LONP1: variants seen among roughly 807,000 people sequenced by gnomAD.
The protein encoded by LONP1 is lon protease homolog, mitochondrial.
LONP1 carries 31 observed loss-of-function variants against 98.5 expected under a neutral mutation model. That is an observed-to-expected ratio of 0.31 (90% confidence interval 0.24 to 0.42). The LOEUF is 0.42. LONP1 is among the 20% of genes least tolerant of loss of function. The probability of loss-of-function intolerance (pLI) is 1.00; values close to 1 mark genes in which losing one functional copy is unlikely to be tolerated. For missense variants in LONP1, 1,336 were observed against 1,350.6 expected, an observed-to-expected ratio of 0.99 and a Z score of 0.17; for synonymous variants, 781 against 594.7, an observed-to-expected ratio of 1.31 and a Z score of -4.56.
intron 8 of LONP1, among the ~76,000 whole-genome samples, chr19:5,703,045 G>C (rs2055083977): frequency 6.6e-6 from 1 of 151,878 alleles, no homozygotes; most frequent in African/African-American, 2.4e-5. Flanking sequence ...GCTGGGCGTG[G>C]CAGCGGACAC....
At chr19:5,713,636 A>G (rs1304987136) in intron 2 of LONP1, among the ~76,000 whole-genome samples, 1 of 152,154 alleles carries the variant, frequency 6.6e-6, no homozygotes, top group Non-Finnish European at 1.5e-5. Context: ...ATCTCAGCTC[A>G]CTGCAACCTC....
At chr19:5,697,452 G>A (rs1454524380) in intron 10 of LONP1, among the ~76,000 whole-genome samples, 3 of 149,800 alleles carry the variant, frequency 2.0e-5, no homozygotes, top group East Asian at 2.0e-4. Flanking sequence ...ACAGGACCAC[G>A]CCTGGTGTGT....
At chr19:5,702,350 A>AG in intron 8 of LONP1, among the ~76,000 whole-genome samples, 1 of 130,072 alleles carries the variant, frequency 7.7e-6, no homozygotes, top group African/African-American at 3.0e-5. Flanking sequence ...TCCGGGAGGG[A>AG]GGTGGGGGGG....
At chr19:5,697,402 T>C (rs1373597605) in intron 10 of LONP1, among the ~76,000 whole-genome samples, 1 of 151,162 alleles carries the variant, frequency 6.6e-6, no homozygotes, top group East Asian at 1.9e-4. Flanking sequence ...CTGAGAGATG[T>C]GTTCCAGGCC....
rs542356794 is a variant in LONP1 at position 5,717,085 on chromosome 19, C to T, written c.429+2619G>A. On this transcript the variant is annotated intron_variant, in intron 1 of 17. Coordinates refer to ENST00000360614, the MANE Select transcript of LONP1 (RefSeq NM_004793.4). Reference sequence around the variant, plus strand: ...CTGGGATTGCAGGCGTGAGCCACCGCGCCCAGCCCACGAAGTTAGTTTTTA... The same window carrying T: ...CTGGGATTGCAGGCGTGAGCCACCGTGCCCAGCCCACGAAGTTAGTTTTTA... Among the ~76,000 whole-genome samples the T allele has an allele frequency of 2.6e-5, 4 of 152,306 alleles. 1 individual carries two copies. The highest frequency in any genetic ancestry group is 4.1e-4 in the South Asian group (2 of 4,828).
rs1266665194 is a variant in LONP1, at chr19:5,720,043, C to T, written c.90G>A (p.Arg30=). 4 of 1,544,668 alleles carry T rather than the reference C, an allele frequency of 2.6e-6. No homozygotes were observed. Among genetic ancestry groups the T allele is most frequent in the Admixed American group, 2.0e-5 (1 of 50,720 alleles). Residue 30 remains arginine, a synonymous_variant, in exon 1 of 18, where the codon CGG becomes CGA. Transcript: ENST00000360614. Reference sequence around the variant, plus strand: ...ACCACGCTCCTGCTGCAGTGGGAACCCGCCCCCCGGCGGCGGCCAGCATCG... The same window carrying T: ...ACCACGCTCCTGCTGCAGTGGGAACTCGCCCCCCGGCGGCGGCCAGCATCG... ...RRPMLAAAGG[R]VPTAAGAWLL...
chr19:5,713,481 T>C (rs1599478559), intron 2 of LONP1, among the ~76,000 whole-genome samples: 1 of 152,176 alleles, frequency 6.6e-6, no homozygotes, highest in Non-Finnish European at 1.5e-5. Context: ...CCTCGCTAAG[T>C]CAGCCACAAA....
chr19:5,717,356 C>G (rs2055339659), intron 1 of LONP1: 1 of 152,208 alleles, frequency 6.6e-6, no homozygotes, highest in Admixed American at 6.5e-5. Flanking sequence ...GCATCCTTGG[C>G]ATCTGCCTCC....
At chr19:5,711,167 C>T (rs191264815) in intron 4 of LONP1, among the ~76,000 whole-genome samples, 182 of 152,372 alleles carry the variant, frequency 1.2e-3, no homozygotes, top group Admixed American at 2.4e-3. Flanking sequence ...TTGCTCACAG[C>T]ACTTCCCCCT....
intron 17 of LONP1, among the ~76,000 whole-genome samples, 195 bp from the exon 18 acceptor site, chr19:5,692,403 G>A (rs955698350): frequency 2.0e-5 from 3 of 152,174 alleles, no homozygotes; most frequent in African/African-American, 7.2e-5. Flanking sequence ...ACTGGCCTTG[G>A]CTCCAACAGC....
intron 1 of LONP1, among the ~76,000 whole-genome samples, chr19:5,718,622 G>C (rs901235498): frequency 3.3e-5 from 5 of 152,030 alleles, no homozygotes; most frequent in Non-Finnish European, 2.9e-5. Flanking sequence ...AGTGAGCGCA[G>C]AGGCTGACTC....
chr19:5,703,118 T>G (rs538453123), intron 8 of LONP1, among the ~76,000 whole-genome samples: 2 of 150,614 alleles, frequency 1.3e-5, no homozygotes, highest in South Asian at 4.2e-4. Flanking sequence ...GAGGCGGAGC[T>G]TGCAGTGAGC....
At chr19:5,712,072 T>A in intron 3 of LONP1, 70 bp from the exon 4 acceptor site, 2 of 1,316,078 alleles carry the variant, frequency 1.5e-6, no homozygotes, top group Non-Finnish European at 2.1e-6. Flanking sequence ...GAGGCCTCCC[T>A]GGTGGCACAG....
At chr19:5,717,796 C>CCTTG (rs1386257571) in intron 1 of LONP1, among the ~76,000 whole-genome samples, 9 of 151,968 alleles carry the variant, frequency 5.9e-5, no homozygotes, top group Non-Finnish European at 1.2e-4. Context: ...CTCACTGCAG[C>CCTTG]CTTGATCTCC....
At chr19:5,706,281 C>A (rs958037260) in intron 7 of LONP1, among the ~76,000 whole-genome samples, 7 of 152,122 alleles carry the variant, frequency 4.6e-5, no homozygotes, top group Admixed American at 2.6e-4. Context: ...GGACCACAGG[C>A]ACCTGCCACA....
At position 5,707,806 on chromosome 19, in the gene LONP1, A is replaced by G. The variant is rs1475804465; in HGVS notation, c.953T>C (p.Met318Thr). The change falls in exon 6 of 18, where the codon ATG (methionine) becomes ACG (threonine). Residue 318 changes from methionine (M) to threonine (T), a missense_variant. Around this residue, in one of 5 missense-constraint regions of LONP1, gnomAD observed 97 missense variants for 139.0 expected, o/e 0.70. Coordinates refer to ENST00000360614, the MANE Select transcript of LONP1 (RefSeq NM_004793.4). ...PLYRESVLQMMQAGQRVVDNP... is the reference protein window; with the variant it reads ...PLYRESVLQMTQAGQRVVDNP... ...GTCCACCACCCGCTGGCCAGCCTGC[A>G]TCATCTGCAGCACTGACTCCCTGGG... The G allele has an allele frequency of 1.2e-6, 2 of 1,613,114 alleles. No homozygotes were observed. The highest frequency in any genetic ancestry group is 1.1e-5 in the South Asian group (1 of 91,054).
chr19:5,707,879 G>C, intron 5 of LONP1, 53 bp from the exon 6 acceptor site: 2 of 1,599,712 alleles, frequency 1.3e-6, no homozygotes, highest in Non-Finnish European at 1.7e-6. Flanking sequence ...CTCTGCTGCA[G>C]TGCAGCCCCC....
chr19:5,697,511 G>A lies in LONP1; in HGVS notation c.1686-754C>T, dbSNP rs1367768452. Among the ~76,000 whole-genome samples the A allele has an allele frequency of 2.7e-5, 4 of 146,074 alleles. No homozygotes were observed. In the East Asian group the frequency reaches 8.2e-4, roughly 30 times the overall value. ...GAGGCTGAGGCAGAGGGAGGAGGGGGGGAGAGAAGAGGGAGGAGAGGGGGA... is the reference window on the plus strand; with the variant it reads ...GAGGCTGAGGCAGAGGGAGGAGGGGAGGAGAGAAGAGGGAGGAGAGGGGGA... On this transcript the variant is annotated intron_variant, in intron 10 of 17. Coordinates refer to ENST00000360614, the MANE Select transcript of LONP1 (RefSeq NM_004793.4).
chr19:5,696,790 G>C, intron 10 of LONP1, 33 bp from the exon 11 acceptor site: 1 of 1,509,104 alleles, frequency 6.6e-7, no homozygotes, highest in Non-Finnish European at 9.2e-7. Flanking sequence ...GAGGTCACTT[G>C]GTAGCCTGGC....
Sources: gnomAD v4.1 joint callset for allele counts (sites outside exome capture counted in the v4.1 genomes callset) on GRCh38, gnomAD v4.1.1 for gene constraint, gnomAD v4.1.1 regional missense constraint, MANE v1.5 for transcripts, NCBI Gene and HGNC (gene_info 2026-07-23, HGNC 2026-07-21) for gene names.